The following CYP39A1 variants were observed in gnomAD, a reference collection of about 807,000 sequenced individuals.
CYP39A1 encodes the protein 24-hydroxycholesterol 7-alpha-hydroxylase.
Under a neutral mutation model 58.1 loss-of-function variants are expected in CYP39A1, and 49 were observed. The ratio of observed to expected loss-of-function variants is 0.84; its 90% CI spans 0.67 to 1.07. The LOEUF (loss-of-function observed/expected upper bound fraction) is 1.07, where lower values mean the gene tolerates loss of function less well. Ranked by LOEUF, CYP39A1 falls within the 50% of genes least tolerant of loss-of-function variation. The probability of loss-of-function intolerance (pLI) is 0.00; values close to 1 mark genes in which losing one functional copy is unlikely to be tolerated. For missense variants in CYP39A1, 531 were observed against 539.4 expected, an observed-to-expected ratio of 0.98 and a Z score of 0.16; for synonymous variants, 209 against 187.6, an observed-to-expected ratio of 1.11 and a Z score of -0.93.
At chr6:46,652,308 T>C in intron 1 of CYP39A1, 98 bp downstream of exon 1, 1 of 1,191,452 alleles carries the variant, frequency 8.4e-7, no homozygotes, top group Non-Finnish European at 1.2e-6. Context: ...GCAGGTATGT[T>C]CCCCGTGTTC....
chr6:46,600,594 T>A (rs544381273), intron 7 of CYP39A1, among the ~76,000 whole-genome samples: 1 of 152,062 alleles, frequency 6.6e-6, no homozygotes, highest in Non-Finnish European at 1.5e-5. Flanking sequence ...CAATGGAGAA[T>A]GAATTAATCA....
At chr6:46,604,588 G>A (rs2150537161) in intron 7 of CYP39A1, among the ~76,000 whole-genome samples, 1 of 152,296 alleles carries the variant, frequency 6.6e-6, no homozygotes, top group South Asian at 2.1e-4. Context: ...TGAGATGAGT[G>A]TCACAGCAAC....
intron 10 of CYP39A1, among the ~76,000 whole-genome samples, chr6:46,576,316 C>A (rs908251062): frequency 6.6e-6 from 1 of 152,124 alleles, no homozygotes; most frequent in African/African-American, 2.4e-5. Flanking sequence ...GGATGTAGAT[C>A]CAAACCATAT....
intron 3 of CYP39A1, among the ~76,000 whole-genome samples, chr6:46,638,949 T>C (rs760127393): frequency 6.6e-6 from 1 of 152,218 alleles, no homozygotes; most frequent in Non-Finnish European, 1.5e-5. Flanking sequence ...TGCTCTTCCC[T>C]GTCTCTTGGG....
chr6:46,630,906 A>G lies in CYP39A1; in HGVS notation c.840+57T>C, dbSNP rs184800439. On this transcript the variant is annotated intron_variant, in intron 6 of 11. Transcript: ENST00000275016. ...AGAATGGAAGACAGAAATGAAGGAA[A>G]AAAAGATGAAAGGACAGTGGAGAGC... The G allele has an allele frequency of 1.0e-5, 13 of 1,263,288 alleles. No homozygotes were observed. The East Asian group carries it at 2.8e-4, about 27-fold the overall frequency. 78.3% of individuals were successfully genotyped at this position (1,263,288 alleles called of 1,614,324 possible).
intron 10 of CYP39A1, among the ~76,000 whole-genome samples, chr6:46,560,956 A>G (rs985531426): frequency 1.1e-4 from 17 of 152,202 alleles, no homozygotes; most frequent in African/African-American, 4.1e-4. Context: ...CCAGCCTATC[A>G]AATGGAAAGA....
intron 1 of CYP39A1, among the ~76,000 whole-genome samples, chr6:46,647,803 T>C (rs998804543): frequency 2.0e-5 from 3 of 152,228 alleles, no homozygotes; most frequent in African/African-American, 7.2e-5. Flanking sequence ...TTCATATACT[T>C]TGCCCACTTT....
chr6:46,574,766 C>T lies in CYP39A1; in HGVS notation c.1250+12311G>A, dbSNP rs532365203. 2.6e-5 allele frequency among the ~76,000 whole-genome samples: 4 copies of T among 152,012 alleles called. No homozygotes were observed. The South Asian group carries it at 8.3e-4, about 32-fold the overall frequency. On this transcript the variant is annotated intron_variant, in intron 10 of 11. Coordinates refer to ENST00000275016, the MANE Select transcript of CYP39A1 (RefSeq NM_016593.5). Reference sequence around the variant, plus strand: ...GTAAATAAAGGAAAAGGGTGTCATCCTGAAATTTTTGCTCAGAAATAAACA... The same window carrying T: ...GTAAATAAAGGAAAAGGGTGTCATCTTGAAATTTTTGCTCAGAAATAAACA...
At chr6:46,595,426 C>A (rs1412894977) in intron 8 of CYP39A1, among the ~76,000 whole-genome samples, 1 of 151,940 alleles carries the variant, frequency 6.6e-6, no homozygotes, top group Non-Finnish European at 1.5e-5. Context: ...GAAATGCTCT[C>A]ATTTGTGACA....
intron 10 of CYP39A1, among the ~76,000 whole-genome samples, chr6:46,574,168 C>A (rs554622373): frequency 6.6e-6 from 1 of 152,266 alleles, no homozygotes; most frequent in South Asian, 2.1e-4. Flanking sequence ...ATATTGTCTG[C>A]TTTTCTAGTC....
chr6:46,629,741 A>G (rs1775533243), intron 6 of CYP39A1, among the ~76,000 whole-genome samples: 1 of 152,230 alleles, frequency 6.6e-6, no homozygotes, highest in Admixed American at 6.5e-5. Flanking sequence ...GCCCACACAT[A>G]TCATCATGGA....
Position 46,642,276 on chromosome 6 carries a change from A to AAT in CYP39A1, c.199_200insAT (p.Phe67TyrfsTer8). 1.2e-6 allele frequency: 2 copies of AAT among 1,612,676 alleles called. No individual in the cohort carries two copies. On this transcript the variant is annotated frameshift_variant, in exon 2 of 12. Coordinates refer to ENST00000275016, the MANE Select transcript of CYP39A1 (RefSeq NM_016593.5). LOFTEE classifies it high-confidence loss of function. ...AAAGGTCATTCGGTTTCCCATAGCA[A>AAT]AGACTGTAAATATTGGTCCATACTG...
At chr6:46,568,252 T>A (rs918123488) in intron 10 of CYP39A1, among the ~76,000 whole-genome samples, 3 of 152,128 alleles carry the variant, frequency 2.0e-5, no homozygotes, top group African/African-American at 7.2e-5. Context: ...TGAATTGGGT[T>A]ATTTTGTTGT....
intron 10 of CYP39A1, among the ~76,000 whole-genome samples, chr6:46,574,479 T>G (rs1174631393): frequency 6.6e-6 from 1 of 152,196 alleles, no homozygotes; most frequent in East Asian, 1.9e-4. Flanking sequence ...GAGAAGGAAT[T>G]AGGTGATGAG....
intron 10 of CYP39A1, chr6:46,582,951 T>TA (rs1352199057): frequency 1.6e-5 from 8 of 510,676 alleles, no homozygotes; most frequent in Non-Finnish European, 2.0e-5. Flanking sequence ...GATGTTTGGT[T>TA]AAAAACAGTA....
In CYP39A1 at chr6:46,652,565, T is replaced by G. The variant is rs758015765; in HGVS notation, c.18A>C (p.Pro6=). The G allele has an allele frequency of 1.9e-6, 3 of 1,605,274 alleles. No homozygotes were observed. In the East Asian group the frequency reaches 6.8e-5, roughly 36 times the overall value. ...GGCAACCCAGGATTATAATCACTGT[T>G]GGGGAAATTAGTTCCATGTTTTTGT... The part of the protein sequence containing the change: MELIS[P]TVIIILGCLA... The change falls in exon 1 of 12, where the codon CCA becomes CCC. Residue 6 remains proline, a synonymous_variant. Transcript: ENST00000275016.
chr6:46,643,137 G>T (rs1364025122), intron 1 of CYP39A1, among the ~76,000 whole-genome samples: 5 of 152,072 alleles, frequency 3.3e-5, no homozygotes, highest in Admixed American at 1.3e-4. Context: ...GATAGCAGGG[G>T]TCTATGACCT....
intron 7 of CYP39A1, among the ~76,000 whole-genome samples, chr6:46,607,099 C>T (rs895662131): frequency 6.6e-6 from 1 of 152,098 alleles, no homozygotes; most frequent in Non-Finnish European, 1.5e-5. Context: ...ATACTGAAAG[C>T]CTTCAACCTT....
In CYP39A1 at chr6:46,613,704, G is replaced by GTT. The variant is rs544125145; in HGVS notation, c.931+11712_931+11713dup. On this transcript the variant is annotated intron_variant, in intron 7 of 11. Transcript: ENST00000275016. ...AATTCCAGCACATTTTTATTTGTTT[G>GTT]TTTTTTTTTTTAGGAAAGAATGAGC... is the stretch of plus-strand genomic sequence containing the variant. Among the ~76,000 whole-genome samples, 932 of 143,158 alleles carry GTT rather than the reference G, an allele frequency of 6.5e-3. 12 individuals carry two copies. Among genetic ancestry groups the GTT allele is most frequent in the African/African-American group, 0.022 (868 of 39,432 alleles). 93.9% of individuals were successfully genotyped at this position (143,158 alleles called of 152,430 possible).
Sources: allele counts gnomAD v4.1 joint callset (sites outside exome capture counted in the v4.1 genomes callset), GRCh38; gene constraint gnomAD v4.1.1; transcripts MANE v1.5; gene names NCBI Gene and HGNC (gene_info 2026-07-23, HGNC 2026-07-21).